Variants in CNTN4 observed in about 807,000 individuals in gnomAD.
CNTN4 encodes the protein contactin-4.
A neutral mutation model predicts 122.5 loss-of-function variants in CNTN4; 77 were observed. The observed-to-expected ratio is 0.63, with a 90% CI of 0.52 to 0.76. The LOEUF (loss-of-function observed/expected upper bound fraction) is 0.76. CNTN4 is among the 30% of genes least tolerant of loss of function. The probability of loss-of-function intolerance (pLI) is 0.00; values close to 1 mark genes in which losing one functional copy is unlikely to be tolerated. For missense variants in CNTN4, 1,256 were observed against 1,259.1 expected (o/e 1.00, Z 0.04); for synonymous variants, 512 against 447.0 (o/e 1.15, Z -1.83).
At chr3:2,424,531 T>C (rs890164719) in intron 3 of CNTN4, among the ~76,000 whole-genome samples, 14 of 152,200 alleles carry the variant, frequency 9.2e-5, no homozygotes, top group African/African-American at 3.1e-4. Flanking sequence ...AACATATGTG[T>C]GCATGTATCT....
chr3:3,043,113 C>T lies in CNTN4; in HGVS notation c.2648C>T (p.Ala883Val). The change falls in exon 22 of 25, where the codon GCT becomes GTT. Residue 883 changes from alanine to valine, a missense_variant. Physicochemically the swap from Ala to Val is moderately conservative, Grantham distance 64. Coordinates refer to ENST00000418658, the MANE Select transcript of CNTN4 (RefSeq NM_175607.3). The stretch of plus-strand genomic sequence containing the variant: ...TTAGCTGTCAAGGCATATAATTCTG[C>T]TGGGACAGGCCCCTCTAGTGCAACA... ...YHLAVKAYNS[A>V]GTGPSSATVN... 1 of 1,614,212 alleles carries T rather than the reference C, an allele frequency of 6.2e-7. No homozygotes were observed. Among genetic ancestry groups the T allele is most frequent in the Non-Finnish European group, 8.5e-7 (1 of 1,180,032 alleles).
chr3:2,117,240 A>G (rs549051183), intron 2 of CNTN4, among the ~76,000 whole-genome samples: 1 of 152,298 alleles, frequency 6.6e-6, no homozygotes, highest in African/African-American at 2.4e-5. Context: ...AGAGCTTCTC[A>G]CAGAGCTCAG....
At chr3:2,181,654 T>A (rs2037021551) in intron 2 of CNTN4, among the ~76,000 whole-genome samples, 1 of 152,134 alleles carries the variant, frequency 6.6e-6, no homozygotes, top group Non-Finnish European at 1.5e-5. Context: ...TTAGTTAGTG[T>A]TAAAAAAAGC....
intron 23 of CNTN4, among the ~76,000 whole-genome samples, chr3:3,050,372 A>G (rs1701133937): frequency 6.6e-6 from 1 of 152,126 alleles, no homozygotes; most frequent in Non-Finnish European, 1.5e-5. Context: ...TTTGCTGTCT[A>G]ACTCCCTTGG....
chr3:2,669,801 C>G (rs1258175352), intron 4 of CNTN4, among the ~76,000 whole-genome samples: 1 of 152,278 alleles, frequency 6.6e-6, no homozygotes, highest in Non-Finnish European at 1.5e-5. Flanking sequence ...TGTCTTTGTT[C>G]TCCTTGGTTT....
At chr3:2,360,972 C>T (rs1429484501) in intron 3 of CNTN4, among the ~76,000 whole-genome samples, 1 of 152,076 alleles carries the variant, frequency 6.6e-6, no homozygotes, top group African/African-American at 2.4e-5. Flanking sequence ...CGTAATGAGT[C>T]AGAATACTGA....
chr3:2,588,856 TC>T (rs764928205), intron 4 of CNTN4, among the ~76,000 whole-genome samples: 6 of 151,254 alleles, frequency 4.0e-5, no homozygotes, highest in Middle Eastern at 3.2e-3. Context: ...GCAACAGTGA[TC>T]CAGATGAATC....
chr3:2,584,411 C>T (rs752886837), intron 4 of CNTN4, among the ~76,000 whole-genome samples: 5 of 151,908 alleles, frequency 3.3e-5, no homozygotes, highest in Admixed American at 1.3e-4. Flanking sequence ...TGACCAAGAA[C>T]GGAATAGGTC....
At position 2,340,708 on chromosome 3, in the gene CNTN4, TATAG is replaced by T. The variant is rs1292221081; in HGVS notation, c.-89+1477_-89+1480del. Among the ~76,000 whole-genome samples the T allele has an allele frequency of 9.6e-3, 244 of 25,370 alleles. 2 individuals are homozygous for T. Among genetic ancestry groups the T allele is most frequent in the African/African-American group, 0.018 (228 of 12,330 alleles). The allele number at this position is 25,370 out of a possible 152,430, so 16.6% of individuals were successfully genotyped here. Reference sequence around the variant, plus strand: ...TTTTATATATATATATATATATATATATAGAGAGAGAGAGAGAGAGAGAGAGAGA... The same window carrying T: ...TTTTATATATATATATATATATATATAGAGAGAGAGAGAGAGAGAGAGAGA... On this transcript the variant is annotated intron_variant, in intron 3 of 24. Transcript: ENST00000418658.
intron 3 of CNTN4, among the ~76,000 whole-genome samples, chr3:2,340,709 A>ATATATATG (rs1401975406): frequency 1.6e-4 from 16 of 101,372 alleles, no homozygotes; most frequent in African/African-American, 5.4e-4. Context: ...ATATATATAT[A>ATATATATG]TAGAGAGAGA....
At chr3:2,772,956 C>T (rs1231836332) in intron 6 of CNTN4, among the ~76,000 whole-genome samples, 1 of 152,074 alleles carries the variant, frequency 6.6e-6, no homozygotes, top group African/African-American at 2.4e-5. Flanking sequence ...TTTCAGGAAG[C>T]AGTTGAAAAT....
At chr3:2,360,036 G>T (rs1288845784) in intron 3 of CNTN4, among the ~76,000 whole-genome samples, 1 of 152,156 alleles carries the variant, frequency 6.6e-6, no homozygotes, top group African/African-American at 2.4e-5. Flanking sequence ...AAACTACCAG[G>T]CATTATCTGC....
At chr3:2,168,804 A>G (rs1182044330) in intron 2 of CNTN4, among the ~76,000 whole-genome samples, 2 of 152,168 alleles carry the variant, frequency 1.3e-5, no homozygotes, top group East Asian at 3.9e-4. Context: ...TATGGATGTA[A>G]TACTTGCAAG....
chr3:2,558,839 A>G (rs1028074835), intron 3 of CNTN4, among the ~76,000 whole-genome samples: 1 of 152,242 alleles, frequency 6.6e-6, no homozygotes, highest in Non-Finnish European at 1.5e-5. Flanking sequence ...GATAAAACTC[A>G]CTGTATAACT....
At chr3:3,036,436 C>T (rs923904050) in intron 17 of CNTN4, among the ~76,000 whole-genome samples, 2 of 152,104 alleles carry the variant, frequency 1.3e-5, no homozygotes, top group African/African-American at 2.4e-5. Flanking sequence ...TCATTTTCCT[C>T]TTCTGTTAAA....
intron 2 of CNTN4, among the ~76,000 whole-genome samples, chr3:2,200,584 G>A (rs2038051466): frequency 6.6e-6 from 1 of 152,178 alleles, no homozygotes; most frequent in African/African-American, 2.4e-5. Context: ...GGTCAATAGT[G>A]CCAAGGTTGA....
intron 10 of CNTN4, among the ~76,000 whole-genome samples, chr3:2,894,672 A>C (rs1191425877): frequency 6.6e-6 from 1 of 152,198 alleles, no homozygotes; most frequent in Non-Finnish European, 1.5e-5. Flanking sequence ...GAGCAGATTG[A>C]GGGAAACACT....
At chr3:2,288,616 G>C (rs527329978) in intron 2 of CNTN4, among the ~76,000 whole-genome samples, 4 of 152,180 alleles carry the variant, frequency 2.6e-5, no homozygotes, top group South Asian at 2.1e-4. Flanking sequence ...AATTGGGAAA[G>C]ATTGCAACAC....
chr3:2,191,183 C>G (rs1402206489), intron 2 of CNTN4, among the ~76,000 whole-genome samples: 1 of 152,002 alleles, frequency 6.6e-6, no homozygotes, highest in African/African-American at 2.4e-5. Context: ...ATCCTCCTGC[C>G]TCAGCCTTCC....
Sources: gnomAD v4.1 joint callset for allele counts (sites outside exome capture counted in the v4.1 genomes callset) on GRCh38, gnomAD v4.1.1 for gene constraint, MANE v1.5 for transcripts, NCBI Gene and HGNC (gene_info 2026-07-23, HGNC 2026-07-21) for gene names.